Variants in DPF3 observed in about 807,000 individuals in gnomAD.
DPF3 encodes the protein double PHD fingers 3.
A neutral mutation model predicts 56.8 loss-of-function variants in DPF3; 18 were observed. That is an observed-to-expected ratio of 0.32 (90% CI 0.22 to 0.47). DPF3 has a LOEUF of 0.47. Ranked by LOEUF, DPF3 falls within the 20% of genes least tolerant of loss-of-function variation. DPF3 has a pLI of 1.00. For missense variants in DPF3, 403 were observed against 488.8 expected (o/e 0.82, Z 1.65); for synonymous variants, 188 against 180.2 (o/e 1.04, Z -0.35).
chr14:72,706,363 A>G (rs1471932962), intron 6 of DPF3, among the ~76,000 whole-genome samples: 1 of 152,056 alleles, frequency 6.6e-6, no homozygotes, highest in Non-Finnish European at 1.5e-5. Context: ...CCCTCAATTA[A>G]ATACCGCCCC....
intron 1 of DPF3, among the ~76,000 whole-genome samples, chr14:72,846,078 G>T (rs1462279311): frequency 7.5e-6 from 1 of 133,652 alleles, no homozygotes; most frequent in Non-Finnish European, 1.6e-5. Context: ...TTATTTTACT[G>T]TTTATTTTAT....
chr14:72,803,310 G>A (rs1160973208), intron 1 of DPF3, among the ~76,000 whole-genome samples: 1 of 152,162 alleles, frequency 6.6e-6, no homozygotes, highest in Non-Finnish European at 1.5e-5. Context: ...CCATTCAGAC[G>A]CCAATGGTTC....
At chr14:72,822,428 ATTT>A (rs369513377) in intron 1 of DPF3, among the ~76,000 whole-genome samples, 1 of 152,150 alleles carries the variant, frequency 6.6e-6, no homozygotes, top group Admixed American at 6.5e-5. Flanking sequence ...TTGTTAAAAA[ATTT>A]TTAAAGGTGC....
At chr14:72,624,778 C>T (rs1193839947) in intron 9 of DPF3, among the ~76,000 whole-genome samples, 1 of 152,190 alleles carries the variant, frequency 6.6e-6, no homozygotes, top group Non-Finnish European at 1.5e-5. Context: ...TCAAAAAATC[C>T]AAGCCAGTGA....
At chr14:72,843,611 C>T (rs181873793) in intron 1 of DPF3, among the ~76,000 whole-genome samples, 4 of 152,296 alleles carry the variant, frequency 2.6e-5, no homozygotes, top group Admixed American at 1.3e-4. Flanking sequence ...GGCGTGACCT[C>T]GGCTCACTGC....
intron 1 of DPF3, among the ~76,000 whole-genome samples, chr14:72,840,420 C>T (rs944270103): frequency 3.3e-5 from 5 of 151,884 alleles, no homozygotes; most frequent in Non-Finnish European, 5.9e-5. Context: ...TACTATTCTC[C>T]TACGCCCTAC....
At chr14:72,761,698 C>G (rs1891075336) in intron 2 of DPF3, among the ~76,000 whole-genome samples, 1 of 151,478 alleles carries the variant, frequency 6.6e-6, no homozygotes, top group Non-Finnish European at 1.5e-5. Flanking sequence ...AAATAAGAAA[C>G]AGAAGAGCAA....
At chr14:72,642,732 C>G (rs1885599667) in intron 8 of DPF3, among the ~76,000 whole-genome samples, 1 of 152,136 alleles carries the variant, frequency 6.6e-6, no homozygotes, top group Non-Finnish European at 1.5e-5. Flanking sequence ...CTCTGCCTTC[C>G]TTCCACCTGC....
Position 72,689,377 on chromosome 14 carries a change from G to A in DPF3, c.742+3699C>T, listed in dbSNP as rs996164181. ...GGGTCACCCTGCAGCTCTGCTAAAG[G>A]GGGAAAAAGTCAGCATTTCCACTTC... is the stretch of plus-strand genomic sequence containing the variant. On this transcript the variant is annotated intron_variant, in intron 7 of 10. Transcript: ENST00000556509. 2.0e-5 allele frequency among the ~76,000 whole-genome samples: 3 copies of A among 152,120 alleles called. No homozygotes were observed. In the South Asian group the frequency reaches 6.2e-4, roughly 32 times the overall value.
rs146344464 is a variant in DPF3, at chr14:72,805,761, G to A, written c.33-33868C>T. 8.2e-4 allele frequency among the ~76,000 whole-genome samples: 125 copies of A among 152,268 alleles called. No individual in the cohort carries two copies. In the Middle Eastern group the frequency reaches 0.01, roughly 12 times the overall value. On this transcript the variant is annotated intron_variant, in intron 1 of 10. Coordinates refer to ENST00000556509, the MANE Select transcript of DPF3 (RefSeq NM_001280542.3). ...CTTGGGAGGCCTGGGTATTAGAATCGCTTGAACCTGGGAGGCGGAGGTTGC... is the reference window on the plus strand; with the variant it reads ...CTTGGGAGGCCTGGGTATTAGAATCACTTGAACCTGGGAGGCGGAGGTTGC...
intron 2 of DPF3, among the ~76,000 whole-genome samples, chr14:72,765,367 T>C (rs887424236): frequency 5.3e-5 from 8 of 152,158 alleles, no homozygotes; most frequent in African/African-American, 1.9e-4. Context: ...GAAACATCTA[T>C]CTCTCTTATG....
At chr14:72,718,371 A>G (rs939444202) in intron 5 of DPF3, among the ~76,000 whole-genome samples, 2 of 152,212 alleles carry the variant, frequency 1.3e-5, no homozygotes, top group African/African-American at 4.8e-5. Flanking sequence ...AGTGTGGCCC[A>G]GGAATCCTGG....
At chr14:72,877,595 CA>C (rs1886163754) in intron 1 of DPF3, among the ~76,000 whole-genome samples, 1 of 152,118 alleles carries the variant, frequency 6.6e-6, no homozygotes, top group Non-Finnish European at 1.5e-5. Context: ...CAAGAGCTAG[CA>C]AGGTCTCAAA....
At position 72,683,119 on chromosome 14, in the gene DPF3, G is replaced by A. The variant is rs570956741; in HGVS notation, c.743-8751C>T. Among the ~76,000 whole-genome samples the A allele has an allele frequency of 3.3e-5, 5 of 152,218 alleles. No homozygotes were observed. The South Asian group carries it at 1.0e-3, about 32-fold the overall frequency. ...AGGCAGGTGGATCACTTGAGGTCGG[G>A]AGTTCGAGACCAGCCTGGCTAACAT... On this transcript the variant is annotated intron_variant, in intron 7 of 10. Transcript: ENST00000556509.
chr14:72,873,821 G>A (rs1366565381), intron 1 of DPF3, among the ~76,000 whole-genome samples: 1 of 151,666 alleles, frequency 6.6e-6, no homozygotes, highest in Non-Finnish European at 1.5e-5. Flanking sequence ...ACTATCACAA[G>A]GACAAAAAAC....
chr14:72,791,115 G>A (rs897094906), intron 1 of DPF3, among the ~76,000 whole-genome samples: 1 of 152,102 alleles, frequency 6.6e-6, no homozygotes, highest in Non-Finnish European at 1.5e-5. Flanking sequence ...TCTGCAATCT[G>A]GTGACCTTCC....
chr14:72,690,493 T>C (rs1451209168), intron 7 of DPF3, among the ~76,000 whole-genome samples: 1 of 151,038 alleles, frequency 6.6e-6, no homozygotes, highest in African/African-American at 2.4e-5. Context: ...CACACGCAGG[T>C]ACACACACAA....
intron 9 of DPF3, among the ~76,000 whole-genome samples, chr14:72,621,602 C>A (rs1884451706): frequency 6.6e-6 from 1 of 152,052 alleles, no homozygotes; most frequent in African/African-American, 2.4e-5. Flanking sequence ...GATCAGATTG[C>A]AGTTTAGAAA....
chr14:72,745,693 T>C (rs1890296507), intron 3 of DPF3, among the ~76,000 whole-genome samples: 1 of 152,104 alleles, frequency 6.6e-6, no homozygotes, highest in Non-Finnish European at 1.5e-5. Context: ...AAGGTCAGCC[T>C]CAGTCCACCC....
Sources: allele counts gnomAD v4.1 joint callset (sites outside exome capture counted in the v4.1 genomes callset), GRCh38; gene constraint gnomAD v4.1.1; transcripts MANE v1.5; gene names NCBI Gene and HGNC (gene_info 2026-07-23, HGNC 2026-07-21).